INPP5B: variants seen among roughly 807,000 people sequenced by gnomAD.
INPP5B encodes type II inositol 1,4,5-trisphosphate 5-phosphatase.
A neutral mutation model predicts 118.5 loss-of-function variants in INPP5B; 90 were observed. That is an observed-to-expected ratio of 0.76 (90% CI 0.64 to 0.90). INPP5B has a LOEUF of 0.90. Ranked by LOEUF, INPP5B falls within the 40% of genes least tolerant of loss-of-function variation. INPP5B has a pLI of 0.00. For synonymous variants in INPP5B, 385 were observed against 418.9 expected, an observed-to-expected ratio of 0.92 and a Z score of 0.99; for missense variants, 984 against 1,125.6, an observed-to-expected ratio of 0.87 and a Z score of 1.80.
At chr1:37,946,887 TG>T in intron 1 of INPP5B, 102 bp downstream of exon 1, 1 of 153,778 alleles carries the variant, frequency 6.5e-6, no homozygotes, top group Non-Finnish European at 1.4e-5. Context: ...GGCCGGGGGT[TG>T]GGGGGTGTCC....
At chr1:37,944,676 G>A (rs550579022) in intron 3 of INPP5B, among the ~76,000 whole-genome samples, 88 of 151,316 alleles carry the variant, frequency 5.8e-4, no homozygotes, top group South Asian at 1.9e-3. Flanking sequence ...CAAACTCCTC[G>A]GCTCATGTGA....
At chr1:37,922,481 G>A (rs917418248) in intron 7 of INPP5B, among the ~76,000 whole-genome samples, 3 of 151,968 alleles carry the variant, frequency 2.0e-5, no homozygotes, top group Non-Finnish European at 2.9e-5. Context: ...GGAGGCCGAG[G>A]TCAGGAGATT....
At chr1:37,920,172 G>A (rs1038851659) in intron 7 of INPP5B, among the ~76,000 whole-genome samples, 3 of 152,182 alleles carry the variant, frequency 2.0e-5, no homozygotes, top group African/African-American at 7.2e-5. Context: ...CAGGGAATCT[G>A]AGCCAAGAGT....
chr1:37,931,415 C>G (rs1262092644), intron 7 of INPP5B: 1 of 1,500,204 alleles, frequency 6.7e-7, no homozygotes, highest in Admixed American at 2.1e-5. Context: ...ACAGCGAGTT[C>G]GGAACGGAGC....
chr1:37,885,376 T>C, intron 13 of INPP5B: 1 of 310,692 alleles, frequency 3.2e-6, no homozygotes, highest in Non-Finnish European at 6.1e-6. Context: ...ATCACGCCAC[T>C]GTACTCCAGC....
In INPP5B at chr1:37,864,519, C is replaced by T. The variant is rs184814910; in HGVS notation, c.2515-96G>A. 1,456 of 676,822 alleles carry T rather than the reference C, an allele frequency of 2.2e-3. 7 individuals are homozygous for T. The highest frequency in any genetic ancestry group is 2.3e-3 in the Non-Finnish European group (896 of 392,236). 41.9% of individuals were successfully genotyped at this position (676,822 alleles called of 1,614,324 possible). On this transcript the variant is annotated intron_variant, in intron 22 of 23. Transcript: ENST00000373024. The stretch of plus-strand genomic sequence containing the variant: ...GAACTGTATACACGATCCAAGTGCA[C>T]GAGAAAGACTGTGCACAGAAAACTG...
chr1:37,883,272 T>A (rs1191544752), intron 13 of INPP5B: 2 of 985,182 alleles, frequency 2.0e-6, no homozygotes, highest in Non-Finnish European at 2.4e-6. Context: ...CACCCAGAGA[T>A]CCCAAATCAG....
At chr1:37,918,281 T>C (rs1311411302) in intron 7 of INPP5B, among the ~76,000 whole-genome samples, 1 of 152,204 alleles carries the variant, frequency 6.6e-6, no homozygotes, top group Non-Finnish European at 1.5e-5. Context: ...CTCTAAATCT[T>C]CCTGTACAGG....
At position 37,906,750 on chromosome 1, in the gene INPP5B, C is replaced by T. The variant is rs1644513282; in HGVS notation, c.533-15296G>A. Reference sequence around the variant, plus strand: ...TGGTGTGTGCCTATAATCCCAGATACTCGGGAGGTTGAGACAGGAGGATTG... The same window carrying T: ...TGGTGTGTGCCTATAATCCCAGATATTCGGGAGGTTGAGACAGGAGGATTG... On this transcript the variant is annotated intron_variant, in intron 7 of 23. Transcript: ENST00000373024. Among the ~76,000 whole-genome samples the T allele has an allele frequency of 2.0e-5, 3 of 151,560 alleles. 1 individual carries two copies. Among genetic ancestry groups the T allele is most frequent in the Admixed American group, 1.3e-4 (2 of 15,172 alleles).
rs371446087 is a variant in INPP5B at position 37,883,249 on chromosome 1, G to A, written c.1320-331C>T. 30 of 985,390 alleles carry A rather than the reference G, an allele frequency of 3.0e-5. No homozygotes were observed. The East Asian group carries it at 1.1e-3, about 37-fold the overall frequency. 61.0% of individuals were successfully genotyped at this position (985,390 alleles called of 1,614,324 possible). On this transcript the variant is annotated intron_variant, in intron 13 of 23. Coordinates refer to ENST00000373024, the MANE Select transcript of INPP5B (RefSeq NM_005540.3). ...AGAGGGAAAAAAAATCAAGAATTGAGAGTCACGCCAATCACCCAGAGATCC... is the reference window on the plus strand; with the variant it reads ...AGAGGGAAAAAAAATCAAGAATTGAAAGTCACGCCAATCACCCAGAGATCC...
At chr1:37,894,704 G>A (rs1643959426) in intron 7 of INPP5B, among the ~76,000 whole-genome samples, 1 of 151,988 alleles carries the variant, frequency 6.6e-6, no homozygotes, top group Non-Finnish European at 1.5e-5. Context: ...TGGGATTAGA[G>A]ACACGCAACA....
intron 7 of INPP5B, among the ~76,000 whole-genome samples, chr1:37,906,782 C>A (rs1191989347): frequency 1.3e-5 from 2 of 151,266 alleles, no homozygotes; most frequent in African/African-American, 4.9e-5. Context: ...ATTGCCTGAA[C>A]CCAGCAGGTG....
chr1:37,929,330 G>C (rs975911814), intron 7 of INPP5B: 1 of 152,006 alleles, frequency 6.6e-6, no homozygotes, highest in Non-Finnish European at 1.5e-5. Context: ...ATGTTGGCCA[G>C]GCTGGTCTCG....
intron 7 of INPP5B, among the ~76,000 whole-genome samples, chr1:37,900,298 A>G (rs1644283701): frequency 6.7e-6 from 1 of 150,178 alleles, no homozygotes; most frequent in Non-Finnish European, 1.5e-5. Flanking sequence ...CTTGTCACCC[A>G]GGATGGAGTG....
intron 7 of INPP5B, among the ~76,000 whole-genome samples, chr1:37,906,859 CAAA>C (rs35095328): frequency 1.2e-4 from 15 of 128,908 alleles, no homozygotes; most frequent in Admixed American, 3.2e-4. Context: ...GACTCTGTCT[CAAA>C]AAAAAAAAAA....
chr1:37,880,154 A>G lies in INPP5B; in HGVS notation c.1472T>C (p.Phe491Ser). ...CTGGAATGTGAGCTCACCCTCTGTG[A>G]AGCCTTCAAAGACAGTCTTTGCGGC... ...QVAAKTVFEG[F>S]TEGELTFQPT... The change falls in exon 15 of 24, where the codon TTC (phenylalanine) becomes TCC (serine). Residue 491 changes from phenylalanine to serine, a missense_variant. By Grantham distance (155) the Phe-to-Ser change is radical. Transcript: ENST00000373024. The G allele has an allele frequency of 6.2e-7, 1 of 1,611,992 alleles. No individual in the cohort carries two copies. Among genetic ancestry groups the G allele is most frequent in the South Asian group, 1.1e-5 (1 of 90,882 alleles).
At chr1:37,887,092 T>C in intron 11 of INPP5B, 88 bp from the exon 12 acceptor site, 1 of 1,045,252 alleles carries the variant, frequency 9.6e-7, no homozygotes, top group Non-Finnish European at 1.5e-6. Context: ...TGGCTGAGAG[T>C]ATTCACGTGT....
chr1:37,942,939 G>T (rs898588994), intron 5 of INPP5B, among the ~76,000 whole-genome samples: 1 of 151,968 alleles, frequency 6.6e-6, no homozygotes, highest in African/African-American at 2.4e-5. Flanking sequence ...GAGGAAGGGA[G>T]GGAGGGAGGG....
At chr1:37,862,738 GTAT>G (rs1641773723) in intron 23 of INPP5B, among the ~76,000 whole-genome samples, 1 of 152,162 alleles carries the variant, frequency 6.6e-6, no homozygotes, top group African/African-American at 2.4e-5. Context: ...CAAAAATACG[GTAT>G]TATGAGCTGG....
Sources: allele counts gnomAD v4.1 joint callset (sites outside exome capture counted in the v4.1 genomes callset), GRCh38; gene constraint gnomAD v4.1.1; transcripts MANE v1.5; gene names NCBI Gene and HGNC (gene_info 2026-07-23, HGNC 2026-07-21).